Variants in PRDM5 observed in about 807,000 individuals in gnomAD.
The protein encoded by PRDM5 is PR/SET domain 5, also known as PR domain zinc finger protein 5.
PRDM5 carries 56 observed loss-of-function variants against 81.2 expected under a neutral mutation model. That is an observed-to-expected ratio of 0.69 (90% CI 0.56 to 0.86). PRDM5 has a LOEUF of 0.86. PRDM5 is among the 40% of genes least tolerant of loss of function. The pLI is 0.00. For missense variants in PRDM5, 697 were observed against 770.1 expected (o/e 0.91, Z 1.12); for synonymous variants, 267 against 256.4 (o/e 1.04, Z -0.39).
At chr4:120,869,455 A>G (rs1470812646) in intron 2 of PRDM5, among the ~76,000 whole-genome samples, 1 of 152,204 alleles carries the variant, frequency 6.6e-6, no homozygotes, top group Non-Finnish European at 1.5e-5. Flanking sequence ...TTTTACATTA[A>G]ACATAAATTA....
intron 13 of PRDM5, among the ~76,000 whole-genome samples, chr4:120,764,005 A>G (rs2149186906): frequency 6.6e-6 from 1 of 152,224 alleles, no homozygotes; most frequent in East Asian, 1.9e-4. Flanking sequence ...GAAAAACAAC[A>G]CAGAGAGTTA....
At chr4:120,825,061 A>G (rs1254203564) in intron 3 of PRDM5, among the ~76,000 whole-genome samples, 2 of 152,166 alleles carry the variant, frequency 1.3e-5, no homozygotes, top group Non-Finnish European at 2.9e-5. Context: ...TATGGCAACC[A>G]AAGAGAGCAG....
chr4:120,791,099 G>C (rs903889344), intron 10 of PRDM5, among the ~76,000 whole-genome samples: 4 of 152,198 alleles, frequency 2.6e-5, no homozygotes, highest in African/African-American at 9.7e-5. Context: ...ACACTGTTAA[G>C]AGAAAGTAGA....
At chr4:120,704,065 C>A (rs115470061) in intron 15 of PRDM5, among the ~76,000 whole-genome samples, 2 of 151,996 alleles carry the variant, frequency 1.3e-5, no homozygotes, top group African/African-American at 2.4e-5. Context: ...CTGGAAAAAA[C>A]GGAAAGGAAG....
intron 14 of PRDM5, among the ~76,000 whole-genome samples, chr4:120,734,421 TACACAC>T (rs149559268): frequency 7.2e-5 from 10 of 138,096 alleles, no homozygotes; most frequent in South Asian, 2.3e-4. Flanking sequence ...CACACACAAA[TACACAC>T]ACACACACAC....
intron 14 of PRDM5, among the ~76,000 whole-genome samples, chr4:120,712,319 T>C (rs1267896968): frequency 2.0e-5 from 3 of 152,146 alleles, no homozygotes. Context: ...TGAATTGAGA[T>C]AGTGTATGCA....
At chr4:120,839,704 C>A (rs761718129) in intron 3 of PRDM5, among the ~76,000 whole-genome samples, 28 of 152,208 alleles carry the variant, frequency 1.8e-4, no homozygotes, top group African/African-American at 5.8e-4. Context: ...TGGGGCCTCA[C>A]CGGGTACCTG....
At chr4:120,789,005 G>A (rs1469372674) in intron 10 of PRDM5, among the ~76,000 whole-genome samples, 1 of 152,160 alleles carries the variant, frequency 6.6e-6, no homozygotes, top group Admixed American at 6.6e-5. Context: ...AAAGGTACTT[G>A]TCCTTCAATC....
intron 2 of PRDM5, 82 bp downstream of exon 2, chr4:120,907,392 T>A: frequency 2.8e-6 from 3 of 1,060,942 alleles, no homozygotes; most frequent in Non-Finnish European, 2.9e-6. Flanking sequence ...CTGGAATCAA[T>A]ATCAATTAAT....
rs539330647 is a variant in PRDM5, at chr4:120,873,670, T to C, written c.178-20130A>G. ...AGATTTCTCATGTTTACCAGTGTTC[T>C]GAATACTCTCCAACAATATGTCGGT... On this transcript the variant is annotated intron_variant, in intron 2 of 15. Coordinates refer to ENST00000264808, the MANE Select transcript of PRDM5 (RefSeq NM_018699.4). Among the ~76,000 whole-genome samples the C allele has an allele frequency of 2.9e-4, 44 of 152,384 alleles. 2 individuals carry two copies. The South Asian group carries it at 9.1e-3, about 32-fold the overall frequency.
At chr4:120,699,161 AATATATATATAT>A (rs70948358) in intron 15 of PRDM5, among the ~76,000 whole-genome samples, 5,762 of 73,512 alleles carry the variant, frequency 0.078, 223 homozygotes, top group Middle Eastern at 0.11. Context: ...AGGAAATATA[AATATATATATAT>A]ATATATATAT....
chr4:120,895,287 G>T (rs963502567), intron 2 of PRDM5, among the ~76,000 whole-genome samples: 1 of 152,102 alleles, frequency 6.6e-6, no homozygotes, highest in Non-Finnish European at 1.5e-5. Context: ...GAACAGAAAT[G>T]GGTAGAGATG....
chr4:120,905,605 T>C (rs1420982301), intron 2 of PRDM5, among the ~76,000 whole-genome samples: 4 of 152,142 alleles, frequency 2.6e-5, no homozygotes, highest in African/African-American at 9.7e-5. Context: ...CAGCATCACC[T>C]TTCTGCCTGA....
At chr4:120,823,758 CAGGA>C (rs1231529071) in intron 3 of PRDM5, among the ~76,000 whole-genome samples, 1 of 152,200 alleles carries the variant, frequency 6.6e-6, no homozygotes, top group Non-Finnish European at 1.5e-5. Flanking sequence ...TGCCCTTTGG[CAGGA>C]AGGATTTACA....
intron 3 of PRDM5, among the ~76,000 whole-genome samples, chr4:120,850,570 A>AAAAC (rs1759143922): frequency 6.6e-6 from 1 of 152,156 alleles, no homozygotes; most frequent in African/African-American, 2.4e-5. Context: ...CATCCCTATT[A>AAAAC]AGAAAGTGCA....
chr4:120,733,892 TA>T (rs60786051), intron 14 of PRDM5, among the ~76,000 whole-genome samples: 64,121 of 132,118 alleles, frequency 0.49, 14,663 homozygotes, highest in East Asian at 0.66. Context: ...GACACAAAAG[TA>T]AAAAAAAAAA....
intron 14 of PRDM5, among the ~76,000 whole-genome samples, chr4:120,744,875 C>T (rs1239328922): frequency 7.6e-6 from 1 of 131,432 alleles, no homozygotes; most frequent in African/African-American, 2.9e-5. Context: ...GGTACCATTC[C>T]TTCTGAAACT....
intron 15 of PRDM5, among the ~76,000 whole-genome samples, chr4:120,709,532 G>A (rs985918366): frequency 2.0e-5 from 3 of 152,092 alleles, no homozygotes; most frequent in Non-Finnish European, 4.4e-5. Flanking sequence ...ACCCTATGCT[G>A]TATCCATTGG....
rs1340976256 is a variant in PRDM5 at position 120,699,181 on chromosome 4, TATATATATATATATATATATATA to T, written c.1729-3929_1729-3907del. 2.0e-3 allele frequency among the ~76,000 whole-genome samples: 227 copies of T among 113,016 alleles called. 2 individuals are homozygous for T. The highest frequency in any genetic ancestry group is 0.019 in the Middle Eastern group (4 of 210). 74.1% of individuals were successfully genotyped at this position (113,016 alleles called of 152,430 possible). A position where few individuals can be genotyped will look rare whatever the true frequency, so the allele number is the denominator to read the frequency against. On this transcript the variant is annotated intron_variant, in intron 15 of 15. Coordinates refer to ENST00000264808, the MANE Select transcript of PRDM5 (RefSeq NM_018699.4). ...ATATAAATATATATATATATATATATATATATATATATATATATATATATTTCAGATGTCTCCTTAATAATTTC... is the reference window on the plus strand; with the variant it reads ...ATATAAATATATATATATATATATATTTTCAGATGTCTCCTTAATAATTTC...
Sources: allele counts gnomAD v4.1 joint callset (sites outside exome capture counted in the v4.1 genomes callset), GRCh38; gene constraint gnomAD v4.1.1; transcripts MANE v1.5; gene names NCBI Gene and HGNC (gene_info 2026-07-23, HGNC 2026-07-21).